Variants in DCBLD1 observed in about 807,000 individuals in gnomAD.
DCBLD1 encodes the protein discoidin, CUB and LCCL domain-containing protein 1.
A neutral mutation model predicts 71.5 loss-of-function variants in DCBLD1; 57 were observed. The observed-to-expected ratio is 0.80, with a 90% CI of 0.64 to 0.99. The LOEUF is 0.99. DCBLD1 is among the 50% of genes least tolerant of loss of function. DCBLD1 has a pLI of 0.00. For synonymous variants in DCBLD1, 380 were observed against 363.8 expected (o/e 1.04, Z -0.51); for missense variants, 891 against 923.5 (o/e 0.96, Z 0.46).
intron 1 of DCBLD1, among the ~76,000 whole-genome samples, chr6:117,491,310 A>G: frequency 6.6e-6 from 1 of 152,158 alleles, no homozygotes; most frequent in East Asian, 1.9e-4. Context: ...GAATAAAATG[A>G]ACCAAGGTTT....
chr6:117,517,364 C>T (rs927442973), intron 2 of DCBLD1, among the ~76,000 whole-genome samples: 44 of 152,218 alleles, frequency 2.9e-4, no homozygotes, highest in Admixed American at 2.9e-3. Flanking sequence ...TGGGCAGCTC[C>T]ACCCCTGTGG....
intron 6 of DCBLD1, among the ~76,000 whole-genome samples, chr6:117,535,225 G>A (rs1338150169): frequency 2.6e-5 from 4 of 152,104 alleles, no homozygotes; most frequent in African/African-American, 9.7e-5. Context: ...ATTCATCTCC[G>A]GTCAGGTCAT....
chr6:117,503,656 C>T, intron 1 of DCBLD1, 111 bp from the exon 2 acceptor site: 5 of 1,184,540 alleles, frequency 4.2e-6, no homozygotes, highest in Admixed American at 2.6e-5. Flanking sequence ...GGTTTTCCTT[C>T]TGCCCAAAAA....
chr6:117,537,150 A>AAC (rs751049072), intron 6 of DCBLD1, 35 bp from the exon 7 acceptor site: 18 of 1,612,798 alleles, frequency 1.1e-5, no homozygotes, highest in Non-Finnish European at 1.5e-5. Flanking sequence ...GTAGGTGAGC[A>AAC]ACTTACCTTC....
At chr6:117,503,185 T>G (rs1328381995) in intron 1 of DCBLD1, among the ~76,000 whole-genome samples, 1 of 152,202 alleles carries the variant, frequency 6.6e-6, no homozygotes, top group Non-Finnish European at 1.5e-5. Flanking sequence ...ATTTTCTGAT[T>G]GTACATCCCA....
At chr6:117,524,956 A>G (rs1016822863) in intron 4 of DCBLD1, among the ~76,000 whole-genome samples, 4 of 152,172 alleles carry the variant, frequency 2.6e-5, no homozygotes, top group Admixed American at 2.0e-4. Flanking sequence ...GAGAGAATCT[A>G]GGGATATTCT....
Position 117,527,432 on chromosome 6 carries a change from A to G in DCBLD1, c.585+1998A>G, listed in dbSNP as rs150264153. 2.8e-3 allele frequency among the ~76,000 whole-genome samples: 421 copies of G among 152,320 alleles called. 12 individuals are homozygous for G. Among genetic ancestry groups the G allele is most frequent in the Non-Finnish European group, 6.3e-4 (43 of 68,040 alleles). On this transcript the variant is annotated intron_variant, in intron 5 of 14. Transcript: ENST00000338728. ...TTTGCAAAACCAAAGCATATCCTAT[A>G]GGTCAGGATAACAGAATATGTAAAA... is the stretch of plus-strand genomic sequence containing the variant.
intron 1 of DCBLD1, among the ~76,000 whole-genome samples, chr6:117,500,347 G>T (rs1054101743): frequency 5.9e-5 from 9 of 152,268 alleles, no homozygotes; most frequent in African/African-American, 9.6e-5. Context: ...CTTCCTTTGC[G>T]ATTCAGGTTC....
At chr6:117,543,028 G>A (rs1388080436) in intron 11 of DCBLD1, 96 bp from the exon 12 acceptor site, 2 of 1,016,868 alleles carry the variant, frequency 2.0e-6, no homozygotes, top group Admixed American at 3.4e-5. Flanking sequence ...TATATTAAAT[G>A]CTTAAAGACT....
chr6:117,513,817 A>G (rs1425677945), intron 2 of DCBLD1, among the ~76,000 whole-genome samples: 1 of 152,220 alleles, frequency 6.6e-6, no homozygotes, highest in South Asian at 2.1e-4. Flanking sequence ...CAAAGTTAGA[A>G]GTCACCGCGC....
chr6:117,547,855 AG>A, intron 14 of DCBLD1, 51 bp from the exon 15 acceptor site: 1 of 1,549,968 alleles, frequency 6.5e-7, no homozygotes, highest in South Asian at 1.2e-5. Flanking sequence ...TGCCACTGAC[AG>A]GCCGGCCCGT....
At chr6:117,539,588 C>CA (rs1305323699) in intron 9 of DCBLD1, 119 of 407,002 alleles carry the variant, frequency 2.9e-4, no homozygotes, top group Middle Eastern at 6.6e-4. Context: ...CCCACCACTA[C>CA]AAAAAAAAAT....
At chr6:117,542,519 G>A (rs1283377232) in intron 11 of DCBLD1, among the ~76,000 whole-genome samples, 4 of 152,114 alleles carry the variant, frequency 2.6e-5, no homozygotes, top group African/African-American at 4.8e-5. Flanking sequence ...CTTGGTGGCT[G>A]TCAAAGTGTC....
chr6:117,521,057 G>A (rs1778367920), intron 3 of DCBLD1, among the ~76,000 whole-genome samples: 1 of 152,210 alleles, frequency 6.6e-6, no homozygotes, highest in South Asian at 2.1e-4. Context: ...GTTGATGAAA[G>A]CTTATATGCT....
chr6:117,535,122 A>T (rs1438894215), intron 6 of DCBLD1, among the ~76,000 whole-genome samples: 1 of 152,226 alleles, frequency 6.6e-6, no homozygotes, highest in Non-Finnish European at 1.5e-5. Context: ...GTTCCCACAC[A>T]TGATTGTTTG....
intron 1 of DCBLD1, among the ~76,000 whole-genome samples, chr6:117,496,253 T>G (rs899549837): frequency 2.0e-5 from 3 of 152,236 alleles, no homozygotes; most frequent in Non-Finnish European, 4.4e-5. Context: ...CAGCATAGTA[T>G]TATTATCCAT....
intron 2 of DCBLD1, among the ~76,000 whole-genome samples, chr6:117,517,667 TCTTGA>T (rs1345555628): frequency 6.6e-6 from 1 of 152,188 alleles, no homozygotes; most frequent in African/African-American, 2.4e-5. Flanking sequence ...AAACCCCAAT[TCTTGA>T]CTTCCATGCA....
chr6:117,544,484 T>C, intron 12 of DCBLD1, 44 bp from the exon 13 acceptor site: 1 of 1,602,802 alleles, frequency 6.2e-7, no homozygotes, highest in Non-Finnish European at 8.5e-7. Flanking sequence ...GAGAGGCAGA[T>C]ACATTGGCTT....
chr6:117,547,630 TCCTC>T (rs1319137477), intron 14 of DCBLD1: 6 of 701,294 alleles, frequency 8.6e-6, no homozygotes, highest in Admixed American at 8.2e-5. Context: ...CAGAGCCACT[TCCTC>T]CCTGAAGTAT....
Sources: gnomAD v4.1 joint callset for allele counts (sites outside exome capture counted in the v4.1 genomes callset) on GRCh38, gnomAD v4.1.1 for gene constraint, MANE v1.5 for transcripts, NCBI Gene and HGNC (gene_info 2026-07-23, HGNC 2026-07-21) for gene names.